The following FRYL variants were observed in gnomAD, a reference collection of about 807,000 sequenced individuals.
The protein encoded by FRYL is FRY like transcription coactivator.
In FRYL, 150 loss-of-function variants were observed where a neutral mutation model predicts 351.2. The observed-to-expected ratio is 0.43, with a 90% confidence interval of 0.37 to 0.49. The LOEUF is 0.49. FRYL is among the 20% of genes least tolerant of loss of function. The pLI is 0.00. For synonymous variants in FRYL, 1,153 were observed against 1,257.1 expected (o/e 0.92, Z 1.75); for missense variants, 3,036 against 3,619.3 (o/e 0.84, Z 4.13).
intron 50 of FRYL, among the ~76,000 whole-genome samples, chr4:48,530,491 G>A (rs1402989359): frequency 4.0e-5 from 6 of 151,848 alleles, no homozygotes; most frequent in East Asian, 1.9e-4. Context: ...ACCCTAATAC[G>A]CCAACTAAAA....
Position 48,579,068 on chromosome 4 carries a change from T to C in FRYL, c.2433A>G (p.Gln811=). 1 of 1,614,066 alleles carries C rather than the reference T, an allele frequency of 6.2e-7. No individual in the cohort carries two copies. Among genetic ancestry groups the C allele is most frequent in the Non-Finnish European group, 8.5e-7 (1 of 1,179,936 alleles). The change falls in exon 23 of 64, where the codon CAA becomes CAG. Residue 811 remains glutamine (Q), a synonymous_variant. Coordinates refer to ENST00000358350, the MANE Select transcript of FRYL (RefSeq NM_015030.2). ...WIISLSSFLK[Q]ENLPKHCSTA... Reference sequence around the variant, plus strand: ...TAGAGCAGTGTTTAGGAAGATTTTCTTGCTTTAAAAAACTGGAGAGACTTA... The same window carrying C: ...TAGAGCAGTGTTTAGGAAGATTTTCCTGCTTTAAAAAACTGGAGAGACTTA...
At chr4:48,616,949 G>C (rs557600396) in intron 7 of FRYL, among the ~76,000 whole-genome samples, 26 of 152,282 alleles carry the variant, frequency 1.7e-4, no homozygotes, top group African/African-American at 6.3e-4. Flanking sequence ...TTAGTTAGTG[G>C]TGATATTTCA....
At chr4:48,776,257 G>A (rs187856944) in intron 1 of FRYL, among the ~76,000 whole-genome samples, 1 of 151,130 alleles carries the variant, frequency 6.6e-6, no homozygotes, top group Admixed American at 6.6e-5. Context: ...CAAAGTCCTG[G>A]GATTACAGGC....
intron 43 of FRYL, 83 bp from the exon 44 acceptor site, chr4:48,544,080 A>C: frequency 9.0e-7 from 1 of 1,107,912 alleles, no homozygotes; most frequent in South Asian, 1.5e-5. Context: ...ATCATCTTAA[A>C]GCTAGCAGCT....
intron 3 of FRYL, among the ~76,000 whole-genome samples, chr4:48,650,411 A>G (rs938172636): frequency 2.0e-5 from 3 of 152,236 alleles, no homozygotes; most frequent in African/African-American, 7.2e-5. Context: ...ACACTCAAGT[A>G]GCAGAGAAAG....
intron 3 of FRYL, among the ~76,000 whole-genome samples, chr4:48,654,898 ATTAG>A (rs1234008239): frequency 6.6e-6 from 1 of 152,198 alleles, no homozygotes; most frequent in Non-Finnish European, 1.5e-5. Context: ...TTGGCCTCAT[ATTAG>A]TTTACTGTGA....
At chr4:48,670,660 G>A (rs1407157891) in intron 3 of FRYL, among the ~76,000 whole-genome samples, 1 of 151,912 alleles carries the variant, frequency 6.6e-6, no homozygotes, top group Non-Finnish European at 1.5e-5. Flanking sequence ...GAGTTCAACT[G>A]TTTTAACTTT....
intron 1 of FRYL, among the ~76,000 whole-genome samples, chr4:48,728,550 G>A (rs1770338932): frequency 6.6e-6 from 1 of 152,004 alleles, no homozygotes; most frequent in African/African-American, 2.4e-5. Flanking sequence ...AAGCAGGAGA[G>A]ATGCTGAAAA....
At chr4:48,770,530 C>T (rs1186637797) in intron 1 of FRYL, among the ~76,000 whole-genome samples, 5 of 151,970 alleles carry the variant, frequency 3.3e-5, no homozygotes, top group South Asian at 2.1e-4. Flanking sequence ...CTCCGCCTCC[C>T]GGATTCAAGT....
chr4:48,578,616 C>T (rs1484487134), intron 23 of FRYL, among the ~76,000 whole-genome samples: 5 of 152,182 alleles, frequency 3.3e-5, no homozygotes, highest in Non-Finnish European at 5.9e-5. Flanking sequence ...AGCTGAGTTT[C>T]GCTCTGCTTC....
intron 2 of FRYL, among the ~76,000 whole-genome samples, chr4:48,700,668 G>T (rs955617390): frequency 6.6e-6 from 1 of 150,448 alleles, no homozygotes; most frequent in Admixed American, 6.6e-5. Flanking sequence ...CAGGCATGGT[G>T]GTGTGTGTTT....
intron 1 of FRYL, among the ~76,000 whole-genome samples, chr4:48,727,838 A>C (rs1770253256): frequency 1.3e-5 from 2 of 152,100 alleles, no homozygotes; most frequent in African/African-American, 4.8e-5. Context: ...AGAAATACCT[A>C]ACTCTAGGCA....
chr4:48,723,288 A>AT (rs1292066661), intron 1 of FRYL, among the ~76,000 whole-genome samples: 1 of 152,036 alleles, frequency 6.6e-6, no homozygotes, highest in African/African-American at 2.4e-5. Flanking sequence ...AACTAAAGGC[A>AT]TATGGCACCA....
chr4:48,501,783 C>T (rs1719724304), intron 61 of FRYL, 50 bp from the exon 62 acceptor site: 2 of 1,054,610 alleles, frequency 1.9e-6, no homozygotes, highest in East Asian at 2.4e-5. Context: ...TTCTAGACAG[C>T]ATATTTCCAA....
chr4:48,583,450 T>C (rs1323698776), intron 19 of FRYL, among the ~76,000 whole-genome samples: 1 of 152,074 alleles, frequency 6.6e-6, no homozygotes, highest in African/African-American at 2.4e-5. Context: ...CACTCAATTA[T>C]TCTTTATACA....
chr4:48,576,303 T>A, intron 23 of FRYL, 81 bp from the exon 24 acceptor site: 2 of 1,068,548 alleles, frequency 1.9e-6, no homozygotes, highest in Non-Finnish European at 2.6e-6. Context: ...ATGCTAAATT[T>A]CTTTTTTTTT....
chr4:48,580,569 A>C (rs1206710702), intron 22 of FRYL: 7 of 338,586 alleles, frequency 2.1e-5, no homozygotes, highest in Non-Finnish European at 3.7e-5. Flanking sequence ...ATGCCATAAT[A>C]AAGAGCAAAC....
chr4:48,701,581 T>C (rs1766720333), intron 2 of FRYL, among the ~76,000 whole-genome samples: 2 of 152,222 alleles, frequency 1.3e-5, no homozygotes, highest in Non-Finnish European at 2.9e-5. Context: ...GTAAATAATA[T>C]TAGTACCCTT....
At chr4:48,606,998 G>C (rs577113414) in intron 9 of FRYL, among the ~76,000 whole-genome samples, 1 of 152,128 alleles carries the variant, frequency 6.6e-6, no homozygotes, top group East Asian at 1.9e-4. Context: ...GTTATATGGA[G>C]AGCATATTGG....
Sources: gnomAD v4.1 joint callset for allele counts (sites outside exome capture counted in the v4.1 genomes callset) on GRCh38, gnomAD v4.1.1 for gene constraint, MANE v1.5 for transcripts, NCBI Gene and HGNC (gene_info 2026-07-23, HGNC 2026-07-21) for gene names.